Variants in RAPH1 observed in about 807,000 individuals in gnomAD.
RAPH1 encodes Ras association (RalGDS/AF-6) and pleckstrin homology domains 1, also known as ras-associated and pleckstrin homology domains-containing protein 1.
RAPH1 carries 18 observed loss-of-function variants against 88.1 expected under a neutral mutation model. The ratio of observed to expected loss-of-function variants is 0.20; its 90% CI spans 0.14 to 0.30. The LOEUF is 0.30. RAPH1 is among the 10% of genes least tolerant of loss of function. The probability of loss-of-function intolerance (pLI) is 1.00; values close to 1 mark genes in which losing one functional copy is unlikely to be tolerated. For missense variants in RAPH1, 1,448 were observed against 1,543.2 expected, an observed-to-expected ratio of 0.94 and a Z score of 1.03; for synonymous variants, 587 against 559.0, an observed-to-expected ratio of 1.05 and a Z score of -0.71.
At chr2:203,526,178 G>A (rs944536672) in intron 1 of RAPH1, among the ~76,000 whole-genome samples, 3 of 152,096 alleles carry the variant, frequency 2.0e-5, no homozygotes, top group Non-Finnish European at 4.4e-5. Context: ...AATTTCGACT[G>A]TATTGAAGAA....
intron 4 of RAPH1, among the ~76,000 whole-genome samples, chr2:203,463,775 C>G (rs1193873716): frequency 6.6e-6 from 1 of 152,062 alleles, no homozygotes; most frequent in Non-Finnish European, 1.5e-5. Context: ...TGCAAATAAA[C>G]AAATAGCAGA....
intron 4 of RAPH1, among the ~76,000 whole-genome samples, chr2:203,479,460 C>G (rs1687619636): frequency 2.0e-5 from 3 of 152,002 alleles, no homozygotes; most frequent in African/African-American, 7.2e-5. Flanking sequence ...AAAAAATAGC[C>G]AGGGGTGGTG....
rs768292203 is a variant in RAPH1 at position 203,439,488 on chromosome 2, AG to A, written c.3701del (p.Pro1234LeufsTer26). 3 of 1,613,914 alleles carry A rather than the reference AG, an allele frequency of 1.9e-6. No homozygotes were observed. The highest frequency in any genetic ancestry group is 2.2e-5 in the East Asian group (1 of 44,876). Reference sequence around the variant, plus strand: ...TCTGGTCTCTTTTGGGGGGAGCAGGAGGGGGTCCTCTCCGCAACGTTGCATA... The same window carrying A: ...TCTGGTCTCTTTTGGGGGGAGCAGGAGGGGTCCTCTCCGCAACGTTGCATA... ...SGYATLRRGP[P>X]PAPPKRDQNT... is the part of the protein sequence containing the mutation. On this transcript the variant is annotated frameshift_variant, in exon 14 of 14. Transcript: ENST00000319170. LOFTEE classifies it high-confidence loss of function.
In RAPH1 at chr2:203,434,562, G is replaced by C. The variant is rs1162474877; in HGVS notation, c.*4875C>G. The C allele has an allele frequency of 1.5e-5, 2 of 132,044 alleles. No individual in the cohort carries two copies. The highest frequency in any genetic ancestry group is 6.7e-5 in the African/African-American group (2 of 29,720). 8.2% of individuals were successfully genotyped at this position (132,044 alleles called of 1,614,324 possible). A position where few individuals can be genotyped will look rare whatever the true frequency, so the allele number is the denominator to read the frequency against. ...TTTTCTAGAAGGGGTTATTTTACAA[G>C]TAGCAAAAAAAAAAAAAAAAGTAGG... On this transcript the variant is annotated 3_prime_UTR_variant, in exon 14 of 14. Coordinates refer to ENST00000319170, the MANE Select transcript of RAPH1 (RefSeq NM_213589.3).
intron 1 of RAPH1, among the ~76,000 whole-genome samples, chr2:203,529,005 A>ATATATATATTTTTT (rs1553633903): frequency 7.3e-5 from 3 of 41,150 alleles, no homozygotes; most frequent in African/African-American, 2.4e-4. Context: ...ATATATATAT[A>ATATATATATTTTTT]TTTTTTTTTT....
chr2:203,498,585 C>T lies in RAPH1; in HGVS notation c.1-3232G>A, dbSNP rs891018250. Among the ~76,000 whole-genome samples, 9 of 152,080 alleles carry T rather than the reference C, an allele frequency of 5.9e-5. No individual in the cohort carries two copies. In the South Asian group the frequency reaches 8.3e-4, roughly 14 times the overall value. ...GGTCTGCTGTTTCAAACAACACCTCCGATTTCAGGCATCTTACAGATAGGG... is the reference window on the plus strand; with the variant it reads ...GGTCTGCTGTTTCAAACAACACCTCTGATTTCAGGCATCTTACAGATAGGG... On this transcript the variant is annotated intron_variant, in intron 1 of 13. Transcript: ENST00000319170.
rs575662291 is a variant in RAPH1, at chr2:203,438,043, C to T, written c.*1394G>A. 2.0e-5 allele frequency: 9 copies of T among 448,234 alleles called. No homozygotes were observed. The highest frequency in any genetic ancestry group is 6.4e-5 in the East Asian group (1 of 15,510). 27.8% of individuals were successfully genotyped at this position (448,234 alleles called of 1,614,324 possible). On this transcript the variant is annotated 3_prime_UTR_variant, in exon 14 of 14. Coordinates refer to ENST00000319170, the MANE Select transcript of RAPH1 (RefSeq NM_213589.3). ...AAAAGCATATAGAAGTATAGTGTGT[C>T]GTTAGAGCACTGACTCCACGTTATA...
At chr2:203,504,707 A>G (rs1559492539) in intron 1 of RAPH1, among the ~76,000 whole-genome samples, 1 of 151,718 alleles carries the variant, frequency 6.6e-6, no homozygotes, top group Non-Finnish European at 1.5e-5. Context: ...CTACTGCATC[A>G]TCAGGCAGAA....
At chr2:203,450,389 A>C (rs993399768) in intron 10 of RAPH1, among the ~76,000 whole-genome samples, 1 of 152,304 alleles carries the variant, frequency 6.6e-6, no homozygotes, top group Non-Finnish European at 1.5e-5. Context: ...ATAATACCTA[A>C]CAGTCTTCCC....
intron 13 of RAPH1, chr2:203,442,135 A>C: frequency 6.6e-7 from 1 of 1,523,260 alleles, no homozygotes; most frequent in Non-Finnish European, 8.8e-7. Flanking sequence ...GACTGTAAAA[A>C]TATCATACAG....
rs2098504346 is a variant in RAPH1 at position 203,441,688 on chromosome 2, G to T, written c.1777-275C>A. ...GGAAAAATGTCCGGCTGCAAAAGCT[G>T]TTTGAATGGTGACAGGATGCATGAC... On this transcript the variant is annotated intron_variant, in intron 13 of 13. Transcript: ENST00000319170. 4 of 1,309,162 alleles carry T rather than the reference G, an allele frequency of 3.1e-6. No individual in the cohort carries two copies. In the East Asian group the frequency reaches 1.3e-4, roughly 42 times the overall value. 81.1% of individuals were successfully genotyped at this position (1,309,162 alleles called of 1,614,324 possible).
chr2:203,496,369 T>TAAATA (rs3085939), intron 1 of RAPH1, among the ~76,000 whole-genome samples: 91,971 of 151,274 alleles, frequency 0.61, 28,482 homozygotes, highest in Middle Eastern at 0.76. Context: ...AAAAAATAAA[T>TAAATA]AAATAAAATA....
At chr2:203,508,144 C>T (rs770072824) in intron 1 of RAPH1, among the ~76,000 whole-genome samples, 17 of 147,668 alleles carry the variant, frequency 1.2e-4, no homozygotes, top group Non-Finnish European at 1.2e-4. Flanking sequence ...GGCGTAAACC[C>T]GGGAGGCAGA....
chr2:203,442,120 CAA>C (rs766849574), intron 13 of RAPH1: 126 of 1,550,350 alleles, frequency 8.1e-5, no homozygotes, highest in Non-Finnish European at 1.1e-4. Flanking sequence ...AACATTATAG[CAA>C]AAGACTGTAA....
rs768853766 is a variant in RAPH1 at position 203,506,812 on chromosome 2, C to CTATA, written c.1-11463_1-11460dup. ...TATATATCTATATATATATCTATATCTATATATCTATATATATATCTATAT... is the reference window on the plus strand; with the variant it reads ...TATATATCTATATATATATCTATATCTATATATATATCTATATATATATCTATAT... On this transcript the variant is annotated intron_variant, in intron 1 of 13. Transcript: ENST00000319170. Among the ~76,000 whole-genome samples the CTATA allele has an allele frequency of 3.6e-3, 189 of 52,196 alleles. 2 individuals carry two copies. Among genetic ancestry groups the CTATA allele is most frequent in the East Asian group, 5.0e-3 (13 of 2,598 alleles). 34.2% of individuals were successfully genotyped at this position (52,196 alleles called of 152,430 possible). A position where few individuals can be genotyped will look rare whatever the true frequency, so the allele number is the denominator to read the frequency against.
intron 1 of RAPH1, among the ~76,000 whole-genome samples, chr2:203,512,105 C>T (rs2105927241): frequency 6.6e-6 from 1 of 151,810 alleles, no homozygotes; most frequent in South Asian, 2.1e-4. Flanking sequence ...GAGTGAGACT[C>T]CGTTCCAAAA....
intron 4 of RAPH1, among the ~76,000 whole-genome samples, chr2:203,480,044 TCA>T (rs1390038058): frequency 1.3e-5 from 2 of 152,252 alleles, no homozygotes; most frequent in Admixed American, 6.5e-5. Flanking sequence ...GTACATTTTC[TCA>T]GTTTTGAAAA....
rs2098498718 is a variant in RAPH1 at position 203,436,602 on chromosome 2, C to CTCTA, written c.*2831_*2834dup. 1 of 152,190 alleles carries CTCTA rather than the reference C, an allele frequency of 6.6e-6. No homozygotes were observed. The highest frequency in any genetic ancestry group is 2.1e-4 in the South Asian group (1 of 4,834). 9.4% of individuals were successfully genotyped at this position (152,190 alleles called of 1,614,324 possible). A position where few individuals can be genotyped will look rare whatever the true frequency, so the allele number is the denominator to read the frequency against. ...TGTCACTAATTAAGCAAGTCACTAC[C>CTCTA]TCTAATAAGCACCTGTTTGCACTGC... is the stretch of plus-strand genomic sequence containing the variant. On this transcript the variant is annotated 3_prime_UTR_variant, in exon 14 of 14. Transcript: ENST00000319170.
At chr2:203,471,545 G>A (rs576205412) in intron 4 of RAPH1, among the ~76,000 whole-genome samples, 1 of 152,232 alleles carries the variant, frequency 6.6e-6, no homozygotes, top group African/African-American at 2.4e-5. Context: ...TTGGGAGGCA[G>A]AGGTTTCAGT....
Sources: gnomAD v4.1 joint callset for allele counts (sites outside exome capture counted in the v4.1 genomes callset) on GRCh38, gnomAD v4.1.1 for gene constraint, MANE v1.5 for transcripts, NCBI Gene and HGNC (gene_info 2026-07-23, HGNC 2026-07-21) for gene names.